The following INTS14 variants were observed in gnomAD, a reference collection of about 807,000 sequenced individuals.
INTS14 encodes the protein integrator complex subunit 14.
Under a neutral mutation model 56.9 loss-of-function variants are expected in INTS14, and 27 were observed. The ratio of observed to expected loss-of-function variants is 0.47; its 90% CI spans 0.35 to 0.65. The LOEUF is 0.65. INTS14 is among the 30% of genes least tolerant of loss of function. The probability of loss-of-function intolerance (pLI) is 0.00; values close to 1 mark genes in which losing one functional copy is unlikely to be tolerated. For missense variants in INTS14, 517 were observed against 632.2 expected (o/e 0.82, Z 1.95); for synonymous variants, 207 against 236.2 (o/e 0.88, Z 1.13).
chr15:65,585,283 A>G (rs546929562), intron 9 of INTS14, among the ~76,000 whole-genome samples: 8 of 152,306 alleles, frequency 5.3e-5, no homozygotes, highest in African/African-American at 1.4e-4. Flanking sequence ...GAAATGTTCT[A>G]TATCTGTGCT....
chr15:65,598,584 T>TA, intron 5 of INTS14, 121 bp from the exon 6 acceptor site: 1 of 1,057,310 alleles, frequency 9.5e-7, no homozygotes, highest in Non-Finnish European at 1.3e-6. Flanking sequence ...TGACCATCTG[T>TA]AAAACAGAAC....
intron 3 of INTS14, among the ~76,000 whole-genome samples, chr15:65,600,738 TA>T (rs1390613875): frequency 1.3e-5 from 2 of 152,066 alleles, no homozygotes; most frequent in Non-Finnish European, 2.9e-5. Flanking sequence ...TAAAGAATAC[TA>T]TATCTTAATT....
chr15:65,580,063 G>A (rs747639334), intron 11 of INTS14, among the ~76,000 whole-genome samples: 1 of 149,884 alleles, frequency 6.7e-6, no homozygotes, highest in Non-Finnish European at 1.5e-5. Flanking sequence ...CACTGTGGTG[G>A]GGCCTCAGGC....
At position 65,607,297 on chromosome 15, in the gene INTS14, C is replaced by T. The variant is rs1566933968; in HGVS notation, c.84G>A (p.Lys28=). ...TCGTTAAACCATGGGCTGCTAGGTG[C>T]TTACGCTGGTATTCCTCGGACCCCT... ...SIEGSEEYQR[K]HLAAHGLTML... is the part of the protein sequence containing the mutation. The change falls in exon 2 of 12, where the codon AAG becomes AAA. Residue 28 remains lysine, a synonymous_variant. Transcript: ENST00000313182. 6.2e-7 allele frequency: 1 copy of T among 1,614,188 alleles called. No homozygotes were observed. Among genetic ancestry groups the T allele is most frequent in the Non-Finnish European group, 8.5e-7 (1 of 1,180,036 alleles).
At chr15:65,591,359 C>T (rs1460672649) in intron 9 of INTS14, among the ~76,000 whole-genome samples, 1 of 151,988 alleles carries the variant, frequency 6.6e-6, no homozygotes, top group East Asian at 1.9e-4. Context: ...CACTCTAAGC[C>T]GCTGAAGAAT....
chr15:65,583,324 C>T (rs2072696634), intron 10 of INTS14, among the ~76,000 whole-genome samples: 1 of 152,094 alleles, frequency 6.6e-6, no homozygotes, highest in Non-Finnish European at 1.5e-5. Flanking sequence ...GTGACATATA[C>T]ATATAGACAT....
intron 10 of INTS14, 148 bp downstream of exon 10, chr15:65,584,622 A>G: frequency 1.6e-6 from 1 of 637,444 alleles, no homozygotes; most frequent in African/African-American, 1.9e-5. Flanking sequence ...ACTGTAGGGC[A>G]TCTCAAATCC....
Position 65,605,092 on chromosome 15 carries a change from T to G in INTS14, c.330+37A>C, listed in dbSNP as rs768577598. Reference sequence around the variant, plus strand: ...ATCGAAGCACCTCAGTGGTTAATGTTGTTAACTTAGGGCAATGAAAAAGAA... The same window carrying G: ...ATCGAAGCACCTCAGTGGTTAATGTGGTTAACTTAGGGCAATGAAAAAGAA... On this transcript the variant is annotated intron_variant, in intron 3 of 11. Coordinates refer to ENST00000313182, the MANE Select transcript of INTS14 (RefSeq NM_001394796.1). 5 of 1,509,340 alleles carry G rather than the reference T, an allele frequency of 3.3e-6. No homozygotes were observed. The African/African-American group carries it at 6.9e-5, about 21-fold the overall frequency. The allele number at this position is 1,509,340 out of a possible 1,614,324, so 93.5% of individuals were successfully genotyped here.
intron 6 of INTS14, among the ~76,000 whole-genome samples, chr15:65,596,043 T>C (rs1293794557): frequency 1.3e-5 from 2 of 152,210 alleles, no homozygotes; most frequent in Non-Finnish European, 2.9e-5. Context: ...CTAAGTTATA[T>C]GACAAAATCA....
Position 65,579,007 on chromosome 15 carries a change from C to G in INTS14, c.*401G>C, listed in dbSNP as rs2072471368. 5.9e-6 allele frequency: 1 copy of G among 168,138 alleles called. No homozygotes were observed. Among genetic ancestry groups the G allele is most frequent in the East Asian group, 1.7e-4 (1 of 5,936 alleles). The allele number at this position is 168,138 out of a possible 1,614,324, so 10.4% of individuals were successfully genotyped here. A position where few individuals can be genotyped will look rare whatever the true frequency, so the allele number is the denominator to read the frequency against. On this transcript the variant is annotated 3_prime_UTR_variant, in exon 12 of 12. Transcript: ENST00000313182. ...CAGTCTGAGTTGCTCATTCCATGAA[C>G]AGAAGCTTGAAAATGCCCTTACAGT... is the stretch of plus-strand genomic sequence containing the variant.
intron 9 of INTS14, among the ~76,000 whole-genome samples, chr15:65,585,585 G>A (rs905760902): frequency 6.6e-6 from 1 of 152,106 alleles, no homozygotes; most frequent in African/African-American, 2.4e-5. Context: ...ATAGCTACAT[G>A]AACAAACAGG....
intron 7 of INTS14, 138 bp from the exon 8 acceptor site, chr15:65,593,710 T>G (rs1249260963): frequency 9.6e-7 from 1 of 1,038,308 alleles, no homozygotes; most frequent in African/African-American, 1.6e-5. Context: ...CAGGAAAAAC[T>G]CATTCCAGTT....
rs2072514111 is a variant in INTS14 at position 65,579,662 on chromosome 15, G to A, written c.1306-3C>T. 1 of 1,609,016 alleles carries A rather than the reference G, an allele frequency of 6.2e-7. No individual in the cohort carries two copies. ...GCCTTTCGCAAACGGTTCAGCTCCT[G>A]AAACAAGACAGAAAATCACCAATGC... On this transcript the variant is annotated splice_polypyrimidine_tract_variant and splice_region_variant and intron_variant, in intron 11 of 11. Coordinates refer to ENST00000313182, the MANE Select transcript of INTS14 (RefSeq NM_001394796.1).
intron 4 of INTS14, 77 bp from the exon 5 acceptor site, chr15:65,599,067 C>T (rs2073330589): frequency 1.0e-6 from 1 of 982,484 alleles, no homozygotes. Flanking sequence ...AAGGTCAAAG[C>T]CATTACGATA....
chr15:65,602,005 A>C (rs60451320), intron 3 of INTS14, among the ~76,000 whole-genome samples: 9,477 of 152,120 alleles, frequency 0.062, 306 homozygotes, highest in African/African-American at 0.09. Flanking sequence ...CACTTGAGGC[A>C]AGGAGTTCAA....
At position 65,591,686 on chromosome 15, in the gene INTS14, C is replaced by T; in HGVS notation, c.1032G>A (p.Lys344=). ...GMLYSQADSK[K]KSNLMMSLFE... ...AGAGAGACATCATGAGGTTTGATTTCTTCTTGCTGTCAGCTTGGGAGTAGA... is the reference window on the plus strand; with the variant it reads ...AGAGAGACATCATGAGGTTTGATTTTTTCTTGCTGTCAGCTTGGGAGTAGA... The change falls in exon 9 of 12, where the codon AAG becomes AAA. Residue 344 remains lysine, a synonymous_variant. Coordinates refer to ENST00000313182, the MANE Select transcript of INTS14 (RefSeq NM_001394796.1). 1 of 1,614,176 alleles carries T rather than the reference C, an allele frequency of 6.2e-7. No homozygotes were observed. The highest frequency in any genetic ancestry group is 8.5e-7 in the Non-Finnish European group (1 of 1,180,016).
rs908290679 is a variant in INTS14, at chr15:65,592,232, T to C, written c.987-501A>G. On this transcript the variant is annotated intron_variant, in intron 8 of 11. Transcript: ENST00000313182. Reference sequence around the variant, plus strand: ...CAAGTAGCTTGGGTGCCAAGAAATATAGCAGACTAATATCTAGTAAGATCT... The same window carrying C: ...CAAGTAGCTTGGGTGCCAAGAAATACAGCAGACTAATATCTAGTAAGATCT... 3.3e-5 allele frequency among the ~76,000 whole-genome samples: 5 copies of C among 152,342 alleles called. 1 individual carries two copies.
Position 65,598,449 on chromosome 15 carries a change from A to G in INTS14, c.620T>C (p.Leu207Ser), listed in dbSNP as rs1596256769. 1 of 1,613,740 alleles carries G rather than the reference A, an allele frequency of 6.2e-7. No individual in the cohort carries two copies. The highest frequency in any genetic ancestry group is 1.1e-5 in the South Asian group (1 of 91,032). Residue 207 changes from leucine (L) to serine (S), a missense_variant, in exon 6 of 12, where the codon TTG becomes TCG. Leu to Ser is a moderately radical substitution (Grantham distance 145). Transcript: ENST00000313182. ...AACAGCATGGAAAGGCGTATATGCC[A>G]AATCTATCAGTTTTCTAGAATATGA... ...VQSMFGKLIDLAYTPFHAVLK... is the reference protein window; with the variant it reads ...VQSMFGKLIDSAYTPFHAVLK...
intron 3 of INTS14, 31 bp downstream of exon 3, chr15:65,605,098 C>T (rs769818709): frequency 2.6e-6 from 4 of 1,541,350 alleles, no homozygotes; most frequent in African/African-American, 2.7e-5. Context: ...ATGTTGTTAA[C>T]TTAGGGCAAT....
Sources: gnomAD v4.1 joint callset for allele counts (sites outside exome capture counted in the v4.1 genomes callset) on GRCh38, gnomAD v4.1.1 for gene constraint, MANE v1.5 for transcripts, NCBI Gene and HGNC (gene_info 2026-07-23, HGNC 2026-07-21) for gene names.